The following ARHGEF2 variants were observed in gnomAD, a reference collection of about 807,000 sequenced individuals.
The protein encoded by ARHGEF2 is rho guanine nucleotide exchange factor 2.
ARHGEF2 carries 22 observed loss-of-function variants against 121.0 expected under a neutral mutation model. That is an observed-to-expected ratio of 0.18 (90% CI 0.13 to 0.26). The LOEUF is 0.26. ARHGEF2 is among the 10% of genes least tolerant of loss of function. The pLI is 1.00. For synonymous variants in ARHGEF2, 487 were observed against 530.0 expected, an observed-to-expected ratio of 0.92 and a Z score of 1.11; for missense variants, 907 against 1,336.0, an observed-to-expected ratio of 0.68 and a Z score of 5.01.
rs747118834 is a variant in ARHGEF2, at chr1:155,963,003, C to T, written c.905G>A (p.Arg302His). Residue 302 changes from arginine (R) to histidine (H), a missense_variant, in exon 8 of 22, where the codon CGC becomes CAC. Physicochemically the swap from Arg to His is conservative, Grantham distance 29. Coordinates refer to ENST00000361247, the MANE Select transcript of ARHGEF2 (RefSeq NM_001162383.2). Reference sequence around the variant, plus strand: ...GGTGCTGCCAGGGCACAGGGCCTGGCGTCGGCGTTCTAATAGCTGGCTGAG... The same window carrying T: ...GGTGCTGCCAGGGCACAGGGCCTGGTGTCGGCGTTCTAATAGCTGGCTGAG... ...RFLSQLLERRRQALCPGSTRN... is the reference protein window; with the variant it reads ...RFLSQLLERRHQALCPGSTRN... The T allele has an allele frequency of 1.1e-5, 17 of 1,614,062 alleles. No individual in the cohort carries two copies. The highest frequency in any genetic ancestry group is 8.8e-5 in the South Asian group (8 of 91,084).
chr1:155,972,876 A>AT (rs1316170413), intron 1 of ARHGEF2, among the ~76,000 whole-genome samples: 2 of 151,142 alleles, frequency 1.3e-5, no homozygotes, highest in Non-Finnish European at 3.0e-5. Context: ...TAATTTTTAA[A>AT]TTTTTTTTGT....
At chr1:155,948,746 G>A (rs1206414333) in intron 21 of ARHGEF2, among the ~76,000 whole-genome samples, 2 of 152,028 alleles carry the variant, frequency 1.3e-5, no homozygotes, top group Non-Finnish European at 2.9e-5. Context: ...GTCCAGCCTC[G>A]GCAACAGCAC....
At chr1:155,957,124 C>T (rs1676856554) in intron 13 of ARHGEF2, among the ~76,000 whole-genome samples, 1 of 151,834 alleles carries the variant, frequency 6.6e-6, no homozygotes, top group Non-Finnish European at 1.5e-5. Context: ...TTCCAGAATC[C>T]ATTTTAAACA....
At position 155,961,734 on chromosome 1, in the gene ARHGEF2, T is replaced by C; in HGVS notation, c.1395A>G (p.Arg465=). 1 of 1,614,168 alleles carries C rather than the reference T, an allele frequency of 6.2e-7. No homozygotes were observed. The highest frequency in any genetic ancestry group is 8.5e-7 in the Non-Finnish European group (1 of 1,180,038). The stretch of plus-strand genomic sequence containing the variant: ...TGAGTTTGCGCCTCAGAAGTTCCTC[T>C]CGGCCAAAGGGGCCCTTGCCAGGCA... ...TPVPGKGPFG[R]EELLRRKLIH... Residue 465 remains arginine (R), a synonymous_variant, in exon 11 of 22, where the codon CGA becomes CGG. Coordinates refer to ENST00000361247, the MANE Select transcript of ARHGEF2 (RefSeq NM_001162383.2). The surrounding 1 kb of genome is among the most constrained non-coding windows in gnomAD (Gnocchi z 4.7).
At chr1:155,953,929 T>G (rs1323400720) in intron 14 of ARHGEF2, among the ~76,000 whole-genome samples, 4 of 152,094 alleles carry the variant, frequency 2.6e-5, no homozygotes, top group Non-Finnish European at 5.9e-5. Flanking sequence ...TACTCTGCAC[T>G]TCCCACTTTG....
chr1:155,959,098 C>A (rs556779328), intron 11 of ARHGEF2, among the ~76,000 whole-genome samples: 4 of 152,232 alleles, frequency 2.6e-5, no homozygotes, highest in Admixed American at 2.6e-4. Context: ...GCTCTGTAAA[C>A]CTTCTGAAGG....
chr1:155,964,161 AAAAAAAATAT>A (rs1354472129), intron 7 of ARHGEF2, among the ~76,000 whole-genome samples: 4 of 57,234 alleles, frequency 7.0e-5, no homozygotes, highest in African/African-American at 2.9e-4. Flanking sequence ...AAAAAAAAAA[AAAAAAAATAT>A]ATATATATAT....
At position 155,950,627 on chromosome 1, in the gene ARHGEF2, T is replaced by G; in HGVS notation, c.2704-145A>C. 1 of 1,009,998 alleles carries G rather than the reference T, an allele frequency of 9.9e-7. No homozygotes were observed. Among genetic ancestry groups the G allele is most frequent in the Non-Finnish European group, 1.5e-6 (1 of 687,386 alleles). The allele number at this position is 1,009,998 out of a possible 1,614,324, so 62.6% of individuals were successfully genotyped here. On this transcript the variant is annotated intron_variant, in intron 20 of 21. Coordinates refer to ENST00000361247, the MANE Select transcript of ARHGEF2 (RefSeq NM_001162383.2). The surrounding 1 kb of genome is among the most constrained non-coding windows in gnomAD (Gnocchi z 5.2). ...GGAGATCCACCACCAACTGGCCTCT[T>G]TCAGCACCACGACCCGAGTTAATTT...
chr1:155,950,903 G>A lies in ARHGEF2; in HGVS notation c.2629C>T (p.Arg877Cys), dbSNP rs771478589. 74 of 1,591,092 alleles carry A rather than the reference G, an allele frequency of 4.7e-5. No individual in the cohort carries two copies. Among genetic ancestry groups the A allele is most frequent in the Non-Finnish European group, 6.1e-5 (71 of 1,168,182 alleles). Residue 877 changes from arginine (R) to cysteine (C), a missense_variant, in exon 20 of 22, where the codon CGC (arginine) becomes TGC (cysteine). By Grantham distance (180) the Arg-to-Cys change is radical. Transcript: ENST00000361247. The surrounding 1 kb of genome is among the most constrained non-coding windows in gnomAD (Gnocchi z 5.2). ...CGCCGCCGAGGATCCACAGGTCTGC[G>A]GGCCCAGGGGGCCTCAGCTGGGAGT... ...EPLPAEAPWARRPVDPRRRSL... is the reference protein window; with the variant it reads ...EPLPAEAPWACRPVDPRRRSL...
chr1:155,955,887 T>C (rs916484347), intron 13 of ARHGEF2, among the ~76,000 whole-genome samples: 1 of 151,972 alleles, frequency 6.6e-6, no homozygotes, highest in Non-Finnish European at 1.5e-5. Flanking sequence ...GGCTAAGTTT[T>C]ATATTTTTAG....
intron 1 of ARHGEF2, among the ~76,000 whole-genome samples, chr1:155,976,233 AAAAG>A (rs1681270317): frequency 1.3e-5 from 2 of 152,014 alleles, no homozygotes; most frequent in Admixed American, 6.5e-5. Context: ...CCACAGTATA[AAAAG>A]AAAGGAGACA....
At chr1:155,954,463 A>AT (rs370220798) in intron 14 of ARHGEF2, among the ~76,000 whole-genome samples, 2 of 134,776 alleles carry the variant, frequency 1.5e-5, no homozygotes, top group East Asian at 4.6e-4. Context: ...TTTTTTTTGT[A>AT]TTTTTTAGTA....
At chr1:155,971,894 A>AT (rs1393456061) in intron 1 of ARHGEF2, among the ~76,000 whole-genome samples, 65 of 150,776 alleles carry the variant, frequency 4.3e-4, no homozygotes, top group East Asian at 7.8e-4. Context: ...AAAAAAAAAA[A>AT]ATATATACAT....
chr1:155,970,922 A>T (rs1205386802), intron 1 of ARHGEF2: 4 of 985,968 alleles, frequency 4.1e-6, no homozygotes, highest in Non-Finnish European at 4.8e-6. Context: ...CATCCTCCCC[A>T]TCCCCAATCA....
intron 11 of ARHGEF2, among the ~76,000 whole-genome samples, chr1:155,959,531 A>G (rs1338817984): frequency 1.3e-5 from 2 of 151,246 alleles, no homozygotes; most frequent in African/African-American, 2.4e-5. Context: ...TACAGGCATC[A>G]GCCACTGCGC....
In ARHGEF2 at chr1:155,952,784, C is replaced by T; in HGVS notation, c.1828G>A (p.Glu610Lys). The T allele has an allele frequency of 6.2e-7, 1 of 1,614,234 alleles. No homozygotes were observed. The change falls in exon 15 of 22, where the codon GAG becomes AAG. Residue 610 changes from glutamate (E) to lysine (K), a missense_variant. Physicochemically the swap from Glu to Lys is moderately conservative, Grantham distance 56. Around this residue, in one of 2 missense-constraint regions of ARHGEF2, gnomAD observed 432 missense variants for 559.5 expected, o/e 0.77. Coordinates refer to ENST00000361247, the MANE Select transcript of ARHGEF2 (RefSeq NM_001162383.2). ...KDRALVELLR[E>K]KVGLFAEMTH... is the part of the protein sequence containing the mutation. ...ATCTCAGCAAACAGCCCGACCTTCT[C>T]TCGCAGCAGCTCCACCAGTGCCCGG...
rs572575952 is a variant in ARHGEF2 at position 155,970,469 on chromosome 1, G to A, written c.64-1169C>T. On this transcript the variant is annotated intron_variant, in intron 1 of 21. Transcript: ENST00000361247. The stretch of plus-strand genomic sequence containing the variant: ...TCTCTGGATTTTCCCTCCGCTCTTG[G>A]AGCAGGACTAGAAGCTGAGAAGACC... The A allele has an allele frequency of 2.9e-5, 29 of 985,320 alleles. No individual in the cohort carries two copies. In the South Asian group the frequency reaches 1.2e-3, roughly 41 times the overall value. 61.0% of individuals were successfully genotyped at this position (985,320 alleles called of 1,614,324 possible). A position where few individuals can be genotyped will look rare whatever the true frequency, so the allele number is the denominator to read the frequency against.
chr1:155,971,092 T>A (rs1680367421), intron 1 of ARHGEF2: 2 of 985,784 alleles, frequency 2.0e-6, no homozygotes, highest in Admixed American at 1.2e-4. Context: ...CCTCCCCTCC[T>A]CCTCACGCAG....
Position 155,965,446 on chromosome 1 carries a change from A to T in ARHGEF2, c.471-34T>A. ...AGTGGAGGCTGTCTGCATCACCCCC[A>T]GTCGGGCAAAAGATCCCTTCCCAGG... On this transcript the variant is annotated intron_variant, in intron 5 of 21. Transcript: ENST00000361247. The surrounding 1 kb of genome is among the most constrained non-coding windows in gnomAD (Gnocchi z 6.0). 1 of 1,607,578 alleles carries T rather than the reference A, an allele frequency of 6.2e-7. No individual in the cohort carries two copies. Among genetic ancestry groups the T allele is most frequent in the Non-Finnish European group, 8.5e-7 (1 of 1,174,168 alleles).
Sources: gnomAD v4.1 joint callset for allele counts (sites outside exome capture counted in the v4.1 genomes callset) on GRCh38, gnomAD v4.1.1 for gene constraint, gnomAD v4.1.1 regional missense constraint, Gnocchi (gnomAD v3.1) non-coding constraint, MANE v1.5 for transcripts, NCBI Gene and HGNC (gene_info 2026-07-23, HGNC 2026-07-21) for gene names.